The following RTN3 variants were observed in gnomAD, a reference collection of about 807,000 sequenced individuals.
RTN3 encodes the protein reticulon 3, also known as reticulon-3.
Under a neutral mutation model 77.8 loss-of-function variants are expected in RTN3, and 49 were observed. That is an observed-to-expected ratio of 0.63 (90% CI 0.50 to 0.80). The LOEUF is 0.80. Ranked by LOEUF, RTN3 falls within the 30% of genes least tolerant of loss-of-function variation. The pLI, the probability that RTN3 is intolerant of heterozygous loss-of-function variation, is 0.00. For synonymous variants in RTN3, 464 were observed against 446.9 expected, an observed-to-expected ratio of 1.04 and a Z score of -0.48; for missense variants, 1,236 against 1,211.9, an observed-to-expected ratio of 1.02 and a Z score of -0.29.
intron 7 of RTN3, 151 bp from the exon 8 acceptor site, chr11:63,755,961 A>AAT (rs2014361364): frequency 3.3e-6 from 2 of 600,248 alleles, no homozygotes; most frequent in Non-Finnish European, 5.9e-6. Flanking sequence ...CGTCTCAAAA[A>AAT]AAAAAAAAAC....
At position 63,718,727 on chromosome 11, in the gene RTN3, T is replaced by A; in HGVS notation, c.225T>A (p.Asp75Glu). ...SQEGLSSLCS[D>E]EPSSEIMTSS... The stretch of plus-strand genomic sequence containing the variant: ...AGGGATTGAGCTCTCTTTGCTCTGA[T>A]GAGCCATCTTCAGAAATTATGACTT... Residue 75 changes from aspartate to glutamate, a missense_variant, in exon 3 of 9, where the codon GAT becomes GAA. This residue lies in a region of RTN3 where 1,056 missense variants were observed against 990.4 expected (regional missense o/e 1.07). Transcript: ENST00000377819. 1 of 1,595,770 alleles carries A rather than the reference T, an allele frequency of 6.3e-7. No homozygotes were observed. The highest frequency in any genetic ancestry group is 8.5e-7 in the Non-Finnish European group (1 of 1,174,602).
At position 63,719,731 on chromosome 11, in the gene RTN3, T is replaced by G. The variant is rs371257360; in HGVS notation, c.1229T>G (p.Leu410Arg). The G allele has an allele frequency of 2.7e-5, 43 of 1,614,112 alleles. No individual in the cohort carries two copies. In the African/African-American group the frequency reaches 4.9e-4, roughly 19 times the overall value. ...ACAGGTGATTGGGCAGAAGCATCTC[T>G]CCAGCAAGAAAATGCTATTACTGGA... is the stretch of plus-strand genomic sequence containing the variant. ...KSTGDWAEAS[L>R]QQENAITGKP... Residue 410 changes from leucine to arginine, a missense_variant, in exon 3 of 9, where the codon CTC becomes CGC. Physicochemically the swap from Leu to Arg is moderately radical, Grantham distance 102. Coordinates refer to ENST00000377819, the MANE Select transcript of RTN3 (RefSeq NM_001265589.2).
intron 3 of RTN3, among the ~76,000 whole-genome samples, chr11:63,727,258 A>G (rs1432514215): frequency 1.3e-5 from 2 of 152,244 alleles, no homozygotes; most frequent in African/African-American, 4.8e-5. Flanking sequence ...GTACAGCATA[A>G]TATTCACAAT....
At chr11:63,727,114 C>A (rs1289435486) in intron 3 of RTN3, among the ~76,000 whole-genome samples, 1 of 152,066 alleles carries the variant, frequency 6.6e-6, no homozygotes, top group East Asian at 1.9e-4. Context: ...CGCACCACTG[C>A]ACTCCAGCCT....
chr11:63,740,170 CTATT>C (rs950806230), intron 3 of RTN3, among the ~76,000 whole-genome samples: 12 of 152,136 alleles, frequency 7.9e-5, no homozygotes, highest in Admixed American at 6.6e-5. Flanking sequence ...ACACACCAAT[CTATT>C]TAATCATAGT....
intron 3 of RTN3, among the ~76,000 whole-genome samples, chr11:63,736,885 A>G (rs974501481): frequency 6.6e-6 from 1 of 152,050 alleles, no homozygotes. Context: ...TCATATTCAC[A>G]GGTTCTGTCC....
At chr11:63,713,751 A>C (rs1003279515) in intron 2 of RTN3, among the ~76,000 whole-genome samples, 1 of 152,220 alleles carries the variant, frequency 6.6e-6, no homozygotes, top group Non-Finnish European at 1.5e-5. Flanking sequence ...AATTTAGAAA[A>C]TGTTCATAAT....
chr11:63,759,723 T>C lies in RTN3; in HGVS notation c.*1522T>C, dbSNP rs1470458039. On this transcript the variant is annotated 3_prime_UTR_variant, in exon 9 of 9. Coordinates refer to ENST00000377819, the MANE Select transcript of RTN3 (RefSeq NM_001265589.2). ...GAGATCTTTGTGCCACACAGGATTT[T>C]TTTTTTTTTTTAAGAAAAACCTATA... 6.6e-6 allele frequency: 1 copy of C among 151,346 alleles called. No individual in the cohort carries two copies. Among genetic ancestry groups the C allele is most frequent in the Non-Finnish European group, 1.5e-5 (1 of 67,922 alleles). 9.4% of individuals were successfully genotyped at this position (151,346 alleles called of 1,614,324 possible).
At chr11:63,724,649 G>T (rs547167110) in intron 3 of RTN3, among the ~76,000 whole-genome samples, 10 of 151,714 alleles carry the variant, frequency 6.6e-5, no homozygotes, top group Non-Finnish European at 1.3e-4. Flanking sequence ...CTGCCACCAC[G>T]CCCGGCTAAT....
chr11:63,683,216 C>A (rs761764669), intron 1 of RTN3, among the ~76,000 whole-genome samples: 1 of 152,172 alleles, frequency 6.6e-6, no homozygotes, highest in Non-Finnish European at 1.5e-5. Context: ...AAGAATGAGG[C>A]AGCAAATTTA....
At chr11:63,688,061 T>G (rs569293260) in intron 1 of RTN3, among the ~76,000 whole-genome samples, 37 of 152,298 alleles carry the variant, frequency 2.4e-4, no homozygotes, top group African/African-American at 8.4e-4. Context: ...TAAATACTTA[T>G]GCAGATTCTG....
rs622400 is a variant in RTN3, at chr11:63,721,724, C to G, written c.2530+692C>G. Among the ~76,000 whole-genome samples the G allele has an allele frequency of 6.6e-3, 1,002 of 152,086 alleles. 11 individuals carry two copies. The highest frequency in any genetic ancestry group is 0.023 in the African/African-American group (948 of 41,484). On this transcript the variant is annotated intron_variant, in intron 3 of 8. Coordinates refer to ENST00000377819, the MANE Select transcript of RTN3 (RefSeq NM_001265589.2). The stretch of plus-strand genomic sequence containing the variant: ...ATTTACAAAGCTTGTTTTTAAATCT[C>G]CATAATTGTCATACTTTTTAGCACT...
chr11:63,720,519 G>T lies in RTN3; in HGVS notation c.2017G>T (p.Ala673Ser). 2 of 1,613,932 alleles carry T rather than the reference G, an allele frequency of 1.2e-6. No individual in the cohort carries two copies. The highest frequency in any genetic ancestry group is 1.7e-6 in the Non-Finnish European group (2 of 1,179,976). Reference sequence around the variant, plus strand: ...AGGAATAGTAGATAGTGAAAGAAATGCTTTTAAAGCAATATCAGAGAAGAT... The same window carrying T: ...AGGAATAGTAGATAGTGAAAGAAATTCTTTTAAAGCAATATCAGAGAAGAT... ...DKGIVDSERNAFKAISEKMTD... is the reference protein window; with the variant it reads ...DKGIVDSERNSFKAISEKMTD... The change falls in exon 3 of 9, where the codon GCT becomes TCT. Residue 673 changes from alanine (A) to serine (S), a missense_variant. Around this residue, in one of 3 missense-constraint regions of RTN3, gnomAD observed 1,056 missense variants for 990.4 expected, o/e 1.07. Transcript: ENST00000377819.
At chr11:63,708,516 A>G (rs1324814884) in intron 2 of RTN3, among the ~76,000 whole-genome samples, 2 of 152,130 alleles carry the variant, frequency 1.3e-5, no homozygotes, top group Admixed American at 6.5e-5. Flanking sequence ...TGAAATACAT[A>G]TTTATCATTA....
At chr11:63,703,144 A>G (rs1246944426) in intron 1 of RTN3, among the ~76,000 whole-genome samples, 1 of 152,234 alleles carries the variant, frequency 6.6e-6, no homozygotes, top group Non-Finnish European at 1.5e-5. Flanking sequence ...TTTAAAAACA[A>G]TACAGTGTAA....
chr11:63,753,078 T>C lies in RTN3; in HGVS notation c.2887T>C (p.Phe963Leu). The stretch of plus-strand genomic sequence containing the variant: ...GATATGGCCTTCACAGCTGGCTGTC[T>C]TCATGTGGCTGATGACCTATGTTGG... The part of the protein sequence containing the change: ...DLVDSLKLAV[F>L]MWLMTYVGAV... The change falls in exon 6 of 9, where the codon TTC becomes CTC. Residue 963 changes from phenylalanine (F) to leucine (L), a missense_variant. Around this residue, in one of 3 missense-constraint regions of RTN3, gnomAD observed 141 missense variants for 154.9 expected, o/e 0.91. Transcript: ENST00000377819. The C allele has an allele frequency of 6.2e-7, 1 of 1,614,104 alleles. No homozygotes were observed. The highest frequency in any genetic ancestry group is 8.5e-7 in the Non-Finnish European group (1 of 1,179,980).
At chr11:63,746,887 A>G (rs1590882910) in intron 3 of RTN3, 1 of 445,128 alleles carries the variant, frequency 2.2e-6, no homozygotes, top group East Asian at 7.1e-5. Flanking sequence ...TATAGTACAC[A>G]TTTAAATTTT....
At chr11:63,747,460 T>C (rs2013864934) in intron 3 of RTN3, among the ~76,000 whole-genome samples, 1 of 152,244 alleles carries the variant, frequency 6.6e-6, no homozygotes, top group African/African-American at 2.4e-5. Context: ...GCAGCATCAC[T>C]ATCTGGGACT....
chr11:63,727,620 A>C (rs1441734371), intron 3 of RTN3, among the ~76,000 whole-genome samples: 1 of 152,146 alleles, frequency 6.6e-6, no homozygotes, highest in Non-Finnish European at 1.5e-5. Context: ...GAAAGAACAC[A>C]TATTTTTTAA....
Sources: allele counts gnomAD v4.1 joint callset (sites outside exome capture counted in the v4.1 genomes callset), GRCh38; gene constraint gnomAD v4.1.1; regional missense constraint gnomAD v4.1.1; transcripts MANE v1.5; gene names NCBI Gene and HGNC (gene_info 2026-07-23, HGNC 2026-07-21).